The following FHIT variants were observed in gnomAD, a reference collection of about 807,000 sequenced individuals.
The protein encoded by FHIT is fragile histidine triad diadenosine triphosphatase.
A neutral mutation model predicts 17.9 loss-of-function variants in FHIT; 19 were observed. That is an observed-to-expected ratio of 1.06 (90% CI 0.74 to 1.56). FHIT has a LOEUF of 1.56. Ranked by LOEUF, FHIT falls within the 40% of genes most tolerant of loss-of-function variation. The pLI is 0.00. For synonymous variants in FHIT, 81 were observed against 69.7 expected (o/e 1.16, Z -0.81); for missense variants, 248 against 189.2 (o/e 1.31, Z -1.82).
intron 4 of FHIT, among the ~76,000 whole-genome samples, chr3:60,540,794 C>A (rs2036161643): frequency 6.6e-6 from 1 of 152,150 alleles, no homozygotes; most frequent in African/African-American, 2.4e-5. Context: ...CAGAACTGTA[C>A]ACATTTCAGG....
intron 7 of FHIT, among the ~76,000 whole-genome samples, chr3:59,978,951 G>A (rs1211745435): frequency 2.0e-5 from 3 of 152,012 alleles, no homozygotes; most frequent in Non-Finnish European, 4.4e-5. Context: ...CAAGGGTAGT[G>A]AAAAGTGAGT....
At position 60,667,166 on chromosome 3, in the gene FHIT, T is replaced by TG. The variant is rs576049800; in HGVS notation, c.-17-130188dup. Among the ~76,000 whole-genome samples the TG allele has an allele frequency of 1.3e-3, 200 of 151,462 alleles. 1 individual carries two copies. The highest frequency in any genetic ancestry group is 4.7e-3 in the African/African-American group (196 of 41,270). ...GATTACAGGCATGAGCCACCATGTCTGGCTGTCAGCTAATCAAATACTCTT... is the reference window on the plus strand; with the variant it reads ...GATTACAGGCATGAGCCACCATGTCTGGGCTGTCAGCTAATCAAATACTCTT... On this transcript the variant is annotated intron_variant, in intron 4 of 9. Coordinates refer to ENST00000492590, the MANE Select transcript of FHIT (RefSeq NM_002012.4).
intron 3 of FHIT, among the ~76,000 whole-genome samples, chr3:60,828,578 G>A (rs1255806741): frequency 6.6e-6 from 1 of 152,064 alleles, no homozygotes; most frequent in Non-Finnish European, 1.5e-5. Flanking sequence ...TCAGGGAACA[G>A]GTCTAAAAGA....
intron 5 of FHIT, among the ~76,000 whole-genome samples, chr3:60,355,402 T>G (rs1422695619): frequency 6.6e-6 from 1 of 151,936 alleles, no homozygotes; most frequent in Non-Finnish European, 1.5e-5. Context: ...ATCTGTTATT[T>G]AGTTGTCATT....
chr3:60,756,800 A>C (rs1420591359), intron 4 of FHIT, among the ~76,000 whole-genome samples: 1 of 152,206 alleles, frequency 6.6e-6, no homozygotes, highest in Non-Finnish European at 1.5e-5. Flanking sequence ...TTACCCAGCC[A>C]ATTAGTGGCT....
chr3:61,109,907 C>G (rs1275095783), intron 2 of FHIT, among the ~76,000 whole-genome samples: 1 of 152,132 alleles, frequency 6.6e-6, no homozygotes, highest in African/African-American at 2.4e-5. Context: ...CACTTCTTGC[C>G]ATCCAACCAT....
chr3:59,923,133 G>T (rs971023941), intron 7 of FHIT, among the ~76,000 whole-genome samples: 5 of 150,388 alleles, frequency 3.3e-5, no homozygotes, highest in African/African-American at 1.2e-4. Flanking sequence ...GCTGAGGTGG[G>T]AGAATGGCCT....
At chr3:60,869,116 A>G (rs1203610398) in intron 3 of FHIT, among the ~76,000 whole-genome samples, 3 of 152,140 alleles carry the variant, frequency 2.0e-5, no homozygotes, top group Non-Finnish European at 4.4e-5. Context: ...GGAAAATTTA[A>G]TGAAGATTTT....
chr3:61,173,308 C>A (rs1471022633), intron 2 of FHIT, among the ~76,000 whole-genome samples: 1 of 152,090 alleles, frequency 6.6e-6, no homozygotes, highest in African/African-American at 2.4e-5. Context: ...ACTCAAACAG[C>A]TATATTTTGG....
At chr3:61,159,184 T>C (rs2037617947) in intron 2 of FHIT, among the ~76,000 whole-genome samples, 1 of 152,208 alleles carries the variant, frequency 6.6e-6, no homozygotes, top group Non-Finnish European at 1.5e-5. Context: ...GTAATGCTAT[T>C]TGAGATCAAT....
intron 8 of FHIT, among the ~76,000 whole-genome samples, chr3:59,763,083 G>A (rs1185113416): frequency 2.0e-5 from 3 of 152,144 alleles, no homozygotes; most frequent in African/African-American, 7.2e-5. Flanking sequence ...AAGCAAGACT[G>A]TTCTCCTTTA....
chr3:60,329,750 A>T (rs1709873621), intron 5 of FHIT, among the ~76,000 whole-genome samples: 1 of 152,208 alleles, frequency 6.6e-6, no homozygotes, highest in Admixed American at 6.5e-5. Flanking sequence ...TCTTACCTCT[A>T]TTCTAGCTAC....
At position 60,178,818 on chromosome 3, in the gene FHIT, A is replaced by G. The variant is rs553444087; in HGVS notation, c.104-164666T>C. On this transcript the variant is annotated intron_variant, in intron 5 of 9. Coordinates refer to ENST00000492590, the MANE Select transcript of FHIT (RefSeq NM_002012.4). ...AAAACTAAACTGTATTCCTAGAAATATACCATGGTATGAGCATATTAAAGA... is the reference window on the plus strand; with the variant it reads ...AAAACTAAACTGTATTCCTAGAAATGTACCATGGTATGAGCATATTAAAGA... Among the ~76,000 whole-genome samples, 28 of 152,326 alleles carry G rather than the reference A, an allele frequency of 1.8e-4. 2 individuals carry two copies. In the South Asian group the frequency reaches 5.6e-3, roughly 31 times the overall value.
chr3:60,271,827 G>A (rs1235409055), intron 5 of FHIT, among the ~76,000 whole-genome samples: 1 of 152,210 alleles, frequency 6.6e-6, no homozygotes, highest in African/African-American at 2.4e-5. Context: ...ATCTGTGAAT[G>A]TATAAAAGAG....
chr3:60,759,883 T>C (rs1328628084), intron 4 of FHIT, among the ~76,000 whole-genome samples: 4 of 152,184 alleles, frequency 2.6e-5, no homozygotes, highest in African/African-American at 9.6e-5. Context: ...ACGTGGGAGC[T>C]GGAATGAATT....
At position 61,142,114 on chromosome 3, in the gene FHIT, TAA is replaced by T. The variant is rs71629119; in HGVS notation, c.-164+58501_-164+58502del. The stretch of plus-strand genomic sequence containing the variant: ...GATATTATCTTAAAATGCTTTCTCT[TAA>T]AAAAAATTTTTTTTTTATCTGAGAA... On this transcript the variant is annotated intron_variant, in intron 2 of 9. Coordinates refer to ENST00000492590, the MANE Select transcript of FHIT (RefSeq NM_002012.4). Among the ~76,000 whole-genome samples the T allele has an allele frequency of 2.2e-4, 33 of 150,668 alleles. 1 individual carries two copies. The highest frequency in any genetic ancestry group is 1.2e-3 in the East Asian group (6 of 5,158).
chr3:59,795,160 C>T (rs1041223417), intron 8 of FHIT, among the ~76,000 whole-genome samples: 3 of 152,150 alleles, frequency 2.0e-5, no homozygotes, highest in East Asian at 1.9e-4. Context: ...CTGAGGCATG[C>T]GGATTACTTG....
intron 5 of FHIT, among the ~76,000 whole-genome samples, chr3:60,292,350 A>G (rs1285057415): frequency 6.7e-6 from 1 of 150,260 alleles, no homozygotes; most frequent in Non-Finnish European, 1.5e-5. Flanking sequence ...TCTCAGGATT[A>G]GCATACTGTG....
At chr3:60,497,905 T>C (rs2034367310) in intron 5 of FHIT, among the ~76,000 whole-genome samples, 1 of 152,176 alleles carries the variant, frequency 6.6e-6, no homozygotes, top group Non-Finnish European at 1.5e-5. Context: ...CAGTGCATAA[T>C]TTTATTTTTT....
Sources: gnomAD v4.1 joint callset for allele counts (sites outside exome capture counted in the v4.1 genomes callset) on GRCh38, gnomAD v4.1.1 for gene constraint, MANE v1.5 for transcripts, NCBI Gene and HGNC (gene_info 2026-07-23, HGNC 2026-07-21) for gene names.